Variants in CNTN6 observed in about 807,000 individuals in gnomAD.
The protein encoded by CNTN6 is contactin-6.
In CNTN6, 137 loss-of-function variants were observed where a neutral mutation model predicts 122.8. The observed-to-expected ratio is 1.12, with a 90% CI of 0.97 to 1.29. The LOEUF is 1.29. Ranked by LOEUF, CNTN6 falls within the 50% of genes most tolerant of loss-of-function variation. CNTN6 has a pLI of 0.00. For missense variants in CNTN6, 1,634 were observed against 1,223.4 expected (o/e 1.34, Z -5.01); for synonymous variants, 570 against 426.0 (o/e 1.34, Z -4.16).
chr3:1,183,530 TC>T (rs954489153), intron 2 of CNTN6, among the ~76,000 whole-genome samples: 2 of 152,202 alleles, frequency 1.3e-5, no homozygotes, highest in Non-Finnish European at 2.9e-5. Context: ...CAACTAGATT[TC>T]ATATTTTTGT....
chr3:1,184,722 T>C (rs59701782), intron 2 of CNTN6, among the ~76,000 whole-genome samples: 16,463 of 152,094 alleles, frequency 0.11, 1,535 homozygotes, highest in African/African-American at 0.25. Flanking sequence ...TAATAACTAT[T>C]TGATTGTCCT....
chr3:1,367,592 A>AGCT (rs926805270), intron 12 of CNTN6, among the ~76,000 whole-genome samples: 7 of 151,894 alleles, frequency 4.6e-5, no homozygotes, highest in South Asian at 2.1e-4. Flanking sequence ...TGTGTGCATG[A>AGCT]GCTGCTGCTG....
chr3:1,094,075 T>G (rs930640275), intron 1 of CNTN6, among the ~76,000 whole-genome samples: 6 of 152,208 alleles, frequency 3.9e-5, no homozygotes, highest in Admixed American at 1.3e-4. Context: ...ATTCATAATT[T>G]TATCTACAGT....
At chr3:1,284,972 T>C (rs902965483) in intron 5 of CNTN6, among the ~76,000 whole-genome samples, 7 of 152,198 alleles carry the variant, frequency 4.6e-5, no homozygotes, top group Admixed American at 4.6e-4. Context: ...GGACTTTGCC[T>C]TCTCCTGGGA....
At chr3:1,226,158 C>A (rs1256701710) in intron 3 of CNTN6, among the ~76,000 whole-genome samples, 1 of 152,120 alleles carries the variant, frequency 6.6e-6, no homozygotes, top group African/African-American at 2.4e-5. Context: ...GGATTACAGG[C>A]ATGAGTTTCT....
At position 1,374,099 on chromosome 3, in the gene CNTN6, T is replaced by C. The variant is rs750845011; in HGVS notation, c.2095+26T>C. ...GTAAAGAATCAATGTGTTCTAAAAGTGTGGAAGATTTCGTATGATACAGTT... is the reference window on the plus strand; with the variant it reads ...GTAAAGAATCAATGTGTTCTAAAAGCGTGGAAGATTTCGTATGATACAGTT... On this transcript the variant is annotated intron_variant, in intron 16 of 22. Coordinates refer to ENST00000446702, the MANE Select transcript of CNTN6 (RefSeq NM_001289080.2). 3.1e-6 allele frequency: 5 copies of C among 1,598,144 alleles called. No homozygotes were observed. The Admixed American group carries it at 8.5e-5, about 27-fold the overall frequency.
chr3:1,345,446 A>G (rs1330837792), intron 11 of CNTN6, among the ~76,000 whole-genome samples: 1 of 152,176 alleles, frequency 6.6e-6, no homozygotes, highest in African/African-American at 2.4e-5. Flanking sequence ...AGTTACTGAC[A>G]TAAAATGATG....
At chr3:1,136,125 A>G (rs545583097) in intron 1 of CNTN6, among the ~76,000 whole-genome samples, 1 of 152,306 alleles carries the variant, frequency 6.6e-6, no homozygotes, top group Middle Eastern at 3.4e-3. Flanking sequence ...CCTTATGGAT[A>G]TCTTGGGCTC....
intron 2 of CNTN6, among the ~76,000 whole-genome samples, chr3:1,205,334 G>C (rs1007821996): frequency 6.6e-6 from 1 of 152,108 alleles, no homozygotes; most frequent in Non-Finnish European, 1.5e-5. Context: ...TTGAGTTTGA[G>C]GTAATTTGTT....
At chr3:1,275,555 A>C (rs980079570) in intron 4 of CNTN6, among the ~76,000 whole-genome samples, 1 of 152,192 alleles carries the variant, frequency 6.6e-6, no homozygotes, top group Non-Finnish European at 1.5e-5. Flanking sequence ...CAAAAGTTTA[A>C]GAGTCACCCC....
intron 6 of CNTN6, among the ~76,000 whole-genome samples, chr3:1,297,449 G>A (rs1397663225): frequency 1.1e-4 from 16 of 151,962 alleles, no homozygotes; most frequent in Admixed American, 9.8e-4. Flanking sequence ...AAACAAATTC[G>A]TATAGGTATA....
intron 12 of CNTN6, among the ~76,000 whole-genome samples, chr3:1,368,097 T>A (rs1708491467): frequency 6.6e-6 from 1 of 152,204 alleles, no homozygotes; most frequent in Non-Finnish European, 1.5e-5. Context: ...TTAAAGATTA[T>A]TCCAGTCAAT....
chr3:1,345,273 T>C (rs563557990), intron 11 of CNTN6, among the ~76,000 whole-genome samples: 73 of 152,046 alleles, frequency 4.8e-4, no homozygotes, highest in African/African-American at 1.7e-3. Context: ...CGAACCACCA[T>C]ACCCGCTAAT....
rs1423199716 is a variant in CNTN6 at position 1,329,522 on chromosome 3, C to G, written c.1214-263C>G. ...CCTATACTTTGCGCCAGGCACTATA[C>G]TATAATTCCCTGCAACTGTTACATC... is the stretch of plus-strand genomic sequence containing the variant. On this transcript the variant is annotated intron_variant, in intron 10 of 22. Coordinates refer to ENST00000446702, the MANE Select transcript of CNTN6 (RefSeq NM_001289080.2). Among the ~76,000 whole-genome samples the G allele has an allele frequency of 3.3e-5, 5 of 151,718 alleles. No homozygotes were observed. The Admixed American group carries it at 3.3e-4, about 10-fold the overall frequency.
chr3:1,123,491 T>C lies in CNTN6; in HGVS notation c.-82-24436T>C, dbSNP rs547493436. Among the ~76,000 whole-genome samples, 178 of 152,140 alleles carry C rather than the reference T, an allele frequency of 1.2e-3. 2 individuals carry two copies. Among genetic ancestry groups the C allele is most frequent in the African/African-American group, 3.7e-3 (153 of 41,546 alleles). On this transcript the variant is annotated intron_variant, in intron 1 of 22. Transcript: ENST00000446702. Reference sequence around the variant, plus strand: ...ACATAACTAATTTTTGTCCTTATTTTTTATTTGTTTTTTAATTTAGTTTAT... The same window carrying C: ...ACATAACTAATTTTTGTCCTTATTTCTTATTTGTTTTTTAATTTAGTTTAT...
intron 5 of CNTN6, among the ~76,000 whole-genome samples, chr3:1,294,505 C>G (rs1055617727): frequency 6.6e-6 from 1 of 152,086 alleles, no homozygotes; most frequent in South Asian, 2.1e-4. Context: ...AGGATGGTTA[C>G]AGGGGGTATA....
At chr3:1,297,778 A>C in intron 6 of CNTN6, 111 bp from the exon 7 acceptor site, 1 of 849,512 alleles carries the variant, frequency 1.2e-6, no homozygotes, top group Non-Finnish European at 1.9e-6. Context: ...CTTAACTGAA[A>C]ACCCTAACTC....
At chr3:1,129,991 G>A (rs887267382) in intron 1 of CNTN6, among the ~76,000 whole-genome samples, 1 of 151,972 alleles carries the variant, frequency 6.6e-6, no homozygotes, top group Admixed American at 6.6e-5. Context: ...TTAATGTTGA[G>A]TTTAAGAAGT....
At chr3:1,196,091 G>A (rs1559492836) in intron 2 of CNTN6, among the ~76,000 whole-genome samples, 1 of 152,134 alleles carries the variant, frequency 6.6e-6, no homozygotes, top group Non-Finnish European at 1.5e-5. Context: ...TTTGCTTGTG[G>A]TTATGGAAAT....
Sources: allele counts gnomAD v4.1 joint callset (sites outside exome capture counted in the v4.1 genomes callset), GRCh38; gene constraint gnomAD v4.1.1; transcripts MANE v1.5; gene names NCBI Gene and HGNC (gene_info 2026-07-23, HGNC 2026-07-21).